The following PPP2R1A variants were observed in gnomAD, a reference collection of about 807,000 sequenced individuals.
The protein encoded by PPP2R1A is protein phosphatase 2 scaffold subunit Aalpha.
In PPP2R1A, 15 loss-of-function variants were observed where a neutral mutation model predicts 67.1. The observed-to-expected ratio is 0.22, with a 90% CI of 0.15 to 0.34. The LOEUF is 0.34. Ranked by LOEUF, PPP2R1A falls within the 10% of genes least tolerant of loss-of-function variation. The pLI, the probability that PPP2R1A is intolerant of heterozygous loss-of-function variation, is 1.00. For missense variants in PPP2R1A, 369 were observed against 775.0 expected, an observed-to-expected ratio of 0.48 and a Z score of 6.22; for synonymous variants, 337 against 325.0, an observed-to-expected ratio of 1.04 and a Z score of -0.40.
intron 1 of PPP2R1A, among the ~76,000 whole-genome samples, chr19:52,192,453 G>A (rs1208683105): frequency 6.6e-6 from 1 of 151,924 alleles, no homozygotes; most frequent in Non-Finnish European, 1.5e-5. Context: ...GACTACAGAC[G>A]CAGGCCACCA....
At position 52,212,960 on chromosome 19, in the gene PPP2R1A, G is replaced by C. The variant is rs750477691; in HGVS notation, c.657G>C (p.Ser219=). 8.1e-6 allele frequency: 13 copies of C among 1,596,216 alleles called. No homozygotes were observed. The highest frequency in any genetic ancestry group is 1.1e-5 in the South Asian group (1 of 87,778). The change falls in exon 6 of 15, where the codon TCG becomes TCC. Residue 219 remains serine, a synonymous_variant. Transcript: ENST00000322088. The surrounding 1 kb of genome is among the most constrained non-coding windows in gnomAD (Gnocchi z 4.1). ...TGTTCCTCTCCTCTCCCTAGGACTC[G>C]GTGCGGCTGCTGGCGGTGGAGGCGT... ...FSNLASDEQD[S]VRLLAVEACV... is the part of the protein sequence containing the mutation.
rs1469193013 is a variant in PPP2R1A, at chr19:52,216,794, GCATGTTTGTGGGCATAGCTGTGTGTT to G, written c.1128+136_1128+161del. 1 of 1,399,184 alleles carries G rather than the reference GCATGTTTGTGGGCATAGCTGTGTGTT, an allele frequency of 7.1e-7. No individual in the cohort carries two copies. The highest frequency in any genetic ancestry group is 9.8e-7 in the Non-Finnish European group (1 of 1,023,860). The allele number at this position is 1,399,184 out of a possible 1,614,324, so 86.7% of individuals were successfully genotyped here. Reference sequence around the variant, plus strand: ...CAGACATCCAGATCTTTGCTGAGTTGCATGTTTGTGGGCATAGCTGTGTGTTCATGCGTTCATTCCTCCAGGCACTC... The same window carrying G: ...CAGACATCCAGATCTTTGCTGAGTTGCATGCGTTCATTCCTCCAGGCACTC... On this transcript the variant is annotated intron_variant, in intron 9 of 14. Coordinates refer to ENST00000322088, the MANE Select transcript of PPP2R1A (RefSeq NM_014225.6). The surrounding 1 kb of genome is among the most constrained non-coding windows in gnomAD (Gnocchi z 4.3).
In PPP2R1A at chr19:52,227,184, A is replaced by C. The variant is rs1191748455; in HGVS notation, c.*1203A>C. On this transcript the variant is annotated 3_prime_UTR_variant, in exon 15 of 15. Coordinates refer to ENST00000322088, the MANE Select transcript of PPP2R1A (RefSeq NM_014225.6). ...CCAAATTCTAGCCAAAAAGATGTTG[A>C]ACAGAAGTGGTATATGCAGCTTCTA... 6.6e-6 allele frequency: 1 copy of C among 152,208 alleles called. No homozygotes were observed. Among genetic ancestry groups the C allele is most frequent in the Non-Finnish European group, 1.5e-5 (1 of 68,044 alleles). The allele number at this position is 152,208 out of a possible 1,614,324, so 9.4% of individuals were successfully genotyped here. A position where few individuals can be genotyped will look rare whatever the true frequency, so the allele number is the denominator to read the frequency against.
At chr19:52,204,550 C>T (rs1480521828) in intron 2 of PPP2R1A, among the ~76,000 whole-genome samples, 1 of 152,122 alleles carries the variant, frequency 6.6e-6, no homozygotes, top group Non-Finnish European at 1.5e-5. Context: ...GCTGGCAGTT[C>T]CCAGGTGTTT....
chr19:52,225,538 G>A (rs1238873969), intron 13 of PPP2R1A, among the ~76,000 whole-genome samples, 179 bp from the exon 14 acceptor site: 3 of 152,110 alleles, frequency 2.0e-5, no homozygotes, highest in Non-Finnish European at 4.4e-5. Context: ...TCACCCGCCT[G>A]TGCAGTGATC....
At position 52,213,077 on chromosome 19, in the gene PPP2R1A, C is replaced by A. The variant is rs750719391; in HGVS notation, c.774C>A (p.Arg258=). 6.3e-7 allele frequency: 1 copy of A among 1,596,378 alleles called. No homozygotes were observed. Among genetic ancestry groups the A allele is most frequent in the Non-Finnish European group, 8.5e-7 (1 of 1,174,380 alleles). The part of the protein sequence containing the change: ...LRQAAEDKSW[R]VRYMVADKFT... ...AGGCCGCTGAAGACAAGTCCTGGCG[C>A]GTCCGCTACATGGTGGCTGACAAGT... Residue 258 remains arginine, a synonymous_variant, in exon 6 of 15, where the codon CGC becomes CGA. Transcript: ENST00000322088. The surrounding 1 kb of genome is among the most constrained non-coding windows in gnomAD (Gnocchi z 4.2).
At chr19:52,197,787 G>T (rs1350225195) in intron 1 of PPP2R1A, among the ~76,000 whole-genome samples, 14 of 152,214 alleles carry the variant, frequency 9.2e-5, no homozygotes, top group Non-Finnish European at 2.1e-4. Context: ...CCAGTAAGCT[G>T]TATGCAGTTA....
intron 2 of PPP2R1A, 116 bp from the exon 3 acceptor site, chr19:52,205,847 A>T (rs1307570707): frequency 2.4e-6 from 2 of 827,698 alleles, no homozygotes; most frequent in Admixed American, 1.9e-5. Flanking sequence ...AAGTGGGCGG[A>T]TGGAAGAACT....
intron 1 of PPP2R1A, among the ~76,000 whole-genome samples, chr19:52,192,969 T>C (rs1825187561): frequency 6.6e-6 from 1 of 152,238 alleles, no homozygotes; most frequent in South Asian, 2.1e-4. Flanking sequence ...CTTCAAATAT[T>C]TGCTGTCTAA....
At chr19:52,193,846 A>G (rs1289896814) in intron 1 of PPP2R1A, among the ~76,000 whole-genome samples, 1 of 150,398 alleles carries the variant, frequency 6.6e-6, no homozygotes, top group Non-Finnish European at 1.5e-5. Context: ...ATGAGCCACC[A>G]CCCCTGGCCA....
At position 52,216,448 on chromosome 19, in the gene PPP2R1A, T is replaced by A. The variant is rs1175496260; in HGVS notation, c.994-81T>A. On this transcript the variant is annotated intron_variant, in intron 8 of 14. Transcript: ENST00000322088. The surrounding 1 kb of genome is among the most constrained non-coding windows in gnomAD (Gnocchi z 4.3). ...AGAGGGGCAGAAGCAGGTTATTGTCTCTTAGGAGTTGGCATCTGCTTAGCC... is the reference window on the plus strand; with the variant it reads ...AGAGGGGCAGAAGCAGGTTATTGTCACTTAGGAGTTGGCATCTGCTTAGCC... 5 of 1,543,098 alleles carry A rather than the reference T, an allele frequency of 3.2e-6. No individual in the cohort carries two copies. The highest frequency in any genetic ancestry group is 1.4e-5 in the African/African-American group (1 of 73,220).
chr19:52,211,131 T>G lies in PPP2R1A; in HGVS notation c.271-129T>G, dbSNP rs2089665304. The G allele has an allele frequency of 1.3e-6, 1 of 782,076 alleles. No homozygotes were observed. The highest frequency in any genetic ancestry group is 1.8e-5 in the African/African-American group (1 of 56,944). The allele number at this position is 782,076 out of a possible 1,614,324, so 48.4% of individuals were successfully genotyped here. A position where few individuals can be genotyped will look rare whatever the true frequency, so the allele number is the denominator to read the frequency against. On this transcript the variant is annotated intron_variant, in intron 3 of 14. Transcript: ENST00000322088. The surrounding 1 kb of genome is among the most constrained non-coding windows in gnomAD (Gnocchi z 5.3). ...CAACCATTTTTAAAGGCTATTTTAA[T>G]GAAGGTCGGGATGGGTAATAGGGAA...
chr19:52,203,978 C>T (rs2089577267), intron 2 of PPP2R1A, among the ~76,000 whole-genome samples: 1 of 152,194 alleles, frequency 6.6e-6, no homozygotes, highest in South Asian at 2.1e-4. Context: ...CCGTGCCCTC[C>T]CTGAGCCCAC....
chr19:52,216,813 T>C lies in PPP2R1A; in HGVS notation c.1128+150T>C. On this transcript the variant is annotated intron_variant, in intron 9 of 14. Coordinates refer to ENST00000322088, the MANE Select transcript of PPP2R1A (RefSeq NM_014225.6). The surrounding 1 kb of genome is among the most constrained non-coding windows in gnomAD (Gnocchi z 4.3). ...TGAGTTGCATGTTTGTGGGCATAGC[T>C]GTGTGTTCATGCGTTCATTCCTCCA... 1 of 1,193,934 alleles carries C rather than the reference T, an allele frequency of 8.4e-7. No individual in the cohort carries two copies. Among genetic ancestry groups the C allele is most frequent in the Non-Finnish European group, 1.2e-6 (1 of 849,220 alleles). 74.0% of individuals were successfully genotyped at this position (1,193,934 alleles called of 1,614,324 possible). A position where few individuals can be genotyped will look rare whatever the true frequency, so the allele number is the denominator to read the frequency against.
chr19:52,206,911 A>T (rs1009157757), intron 3 of PPP2R1A, among the ~76,000 whole-genome samples: 2 of 152,084 alleles, frequency 1.3e-5, no homozygotes, highest in African/African-American at 4.8e-5. Context: ...CTAGAGATAC[A>T]ATGTGGCACC....
intron 1 of PPP2R1A, chr19:52,200,989 A>G (rs1237663576): frequency 4.0e-5 from 6 of 150,502 alleles, no homozygotes; most frequent in Non-Finnish European, 7.4e-5. Flanking sequence ...ATCTGGACAC[A>G]CTTAACTACG....
At chr19:52,196,342 GCAGCTCAAAGCTATCACAGAATTGGGT>G (rs1381015024) in intron 1 of PPP2R1A, among the ~76,000 whole-genome samples, 2 of 152,194 alleles carry the variant, frequency 1.3e-5, no homozygotes, top group African/African-American at 4.8e-5. Context: ...AGCAAGTTCA[GCAGCTCAAAGCTATCACAGAATTGGGT>G]CAGCTCAAAG....
At chr19:52,203,460 C>T (rs570768461) in intron 2 of PPP2R1A, among the ~76,000 whole-genome samples, 1 of 152,214 alleles carries the variant, frequency 6.6e-6, no homozygotes, top group South Asian at 2.1e-4. Flanking sequence ...CACTGACTTG[C>T]TAGGAAAACC....
rs1215399440 is a variant in PPP2R1A at position 52,229,304 on chromosome 19, G to A, written c.*3323G>A. The A allele has an allele frequency of 6.6e-6, 1 of 152,224 alleles. No individual in the cohort carries two copies. The highest frequency in any genetic ancestry group is 1.5e-5 in the Non-Finnish European group (1 of 68,130). The allele number at this position is 152,224 out of a possible 1,614,324, so 9.4% of individuals were successfully genotyped here. A position where few individuals can be genotyped will look rare whatever the true frequency, so the allele number is the denominator to read the frequency against. Reference sequence around the variant, plus strand: ...CTAAAAATATGAAAAAATTAGCTGGGCGTGGTGGAGGGCGCCTGTAATCCC... The same window carrying A: ...CTAAAAATATGAAAAAATTAGCTGGACGTGGTGGAGGGCGCCTGTAATCCC... On this transcript the variant is annotated 3_prime_UTR_variant, in exon 15 of 15. Coordinates refer to ENST00000322088, the MANE Select transcript of PPP2R1A (RefSeq NM_014225.6).
Sources: gnomAD v4.1 joint callset for allele counts (sites outside exome capture counted in the v4.1 genomes callset) on GRCh38, gnomAD v4.1.1 for gene constraint, Gnocchi (gnomAD v3.1) non-coding constraint, MANE v1.5 for transcripts, NCBI Gene and HGNC (gene_info 2026-07-23, HGNC 2026-07-21) for gene names.